CHRNB3: variants seen among roughly 807,000 people sequenced by gnomAD.
The protein encoded by CHRNB3 is cholinergic receptor nicotinic beta 3 subunit, also known as neuronal acetylcholine receptor subunit beta-3.
CHRNB3 carries 37 observed loss-of-function variants against 40.6 expected under a neutral mutation model. The ratio of observed to expected loss-of-function variants is 0.91; its 90% CI spans 0.70 to 1.20. The LOEUF is 1.20. CHRNB3 is among the 50% of genes most tolerant of loss of function. CHRNB3 has a pLI of 0.00. For synonymous variants in CHRNB3, 207 were observed against 207.1 expected, an observed-to-expected ratio of 1.00 and a Z score of 0.00; for missense variants, 505 against 551.2, an observed-to-expected ratio of 0.92 and a Z score of 0.84.
chr8:42,716,123 C>T (rs1218127889), intron 3 of CHRNB3, among the ~76,000 whole-genome samples: 2 of 151,862 alleles, frequency 1.3e-5, no homozygotes, highest in East Asian at 3.9e-4. Flanking sequence ...TTAAAGGCGC[C>T]GGCCACCATG....
intron 5 of CHRNB3, among the ~76,000 whole-genome samples, chr8:42,733,301 A>C (rs1816461155): frequency 6.6e-6 from 1 of 152,068 alleles, no homozygotes. Flanking sequence ...TCTCAGAAAA[A>C]AGAAAAAGAA....
At chr8:42,723,551 G>A (rs2128907600) in intron 3 of CHRNB3, among the ~76,000 whole-genome samples, 1 of 152,256 alleles carries the variant, frequency 6.6e-6, no homozygotes, top group South Asian at 2.1e-4. Context: ...GGAGGATCTG[G>A]CTTCAGGCAG....
intron 1 of CHRNB3, among the ~76,000 whole-genome samples, chr8:42,701,427 G>A (rs1033552398): frequency 1.3e-5 from 2 of 150,090 alleles, no homozygotes; most frequent in Non-Finnish European, 1.5e-5. Flanking sequence ...TCCTGTAGTC[G>A]CAGCTACTCG....
At chr8:42,698,712 A>T (rs1249914550) in intron 1 of CHRNB3, among the ~76,000 whole-genome samples, 1 of 152,240 alleles carries the variant, frequency 6.6e-6, no homozygotes, top group Non-Finnish European at 1.5e-5. Flanking sequence ...CACAAAAATG[A>T]TAAGAAAATT....
chr8:42,730,457 G>A (rs1258055205), intron 3 of CHRNB3, 137 bp from the exon 4 acceptor site: 2 of 545,406 alleles, frequency 3.7e-6, no homozygotes, highest in Non-Finnish European at 6.4e-6. Flanking sequence ...TCCCCAGTAG[G>A]GTCACGCAGT....
intron 2 of CHRNB3, among the ~76,000 whole-genome samples, chr8:42,709,217 C>T (rs1050170706): frequency 6.6e-6 from 1 of 152,128 alleles, no homozygotes; most frequent in African/African-American, 2.4e-5. Flanking sequence ...CTGTGATCTT[C>T]GATCCTCCCT....
chr8:42,698,254 A>G (rs551373445), intron 1 of CHRNB3, among the ~76,000 whole-genome samples: 2 of 152,312 alleles, frequency 1.3e-5, no homozygotes, highest in South Asian at 4.1e-4. Context: ...GGAATAAAGT[A>G]CTGAAAGGCT....
intron 3 of CHRNB3, chr8:42,725,881 C>G: frequency 1.2e-6 from 1 of 826,212 alleles, no homozygotes; most frequent in South Asian, 1.3e-5. Context: ...AAAGACACCA[C>G]TAAAAATTTT....
At chr8:42,698,834 T>C (rs1815725380) in intron 1 of CHRNB3, among the ~76,000 whole-genome samples, 1 of 152,258 alleles carries the variant, frequency 6.6e-6, no homozygotes, top group African/African-American at 2.4e-5. Context: ...AAGGAATGAT[T>C]TCTCTCAATG....
At chr8:42,708,598 C>T in intron 1 of CHRNB3, 119 bp from the exon 2 acceptor site, 1 of 1,117,446 alleles carries the variant, frequency 8.9e-7, no homozygotes, top group Non-Finnish European at 1.3e-6. Context: ...AGGAACTGGG[C>T]TGTTTAGAAA....
At chr8:42,730,050 G>A (rs749806808) in intron 3 of CHRNB3, among the ~76,000 whole-genome samples, 1 of 152,154 alleles carries the variant, frequency 6.6e-6, no homozygotes, top group Non-Finnish European at 1.5e-5. Flanking sequence ...AAACTTAAAA[G>A]AAAATGCTGG....
chr8:42,699,337 C>T (rs951123673), intron 1 of CHRNB3: 1 of 152,084 alleles, frequency 6.6e-6, no homozygotes, highest in South Asian at 2.1e-4. Context: ...ATCTCTCTTA[C>T]AACATGATGA....
At chr8:42,713,304 G>A (rs545409393) in intron 3 of CHRNB3, among the ~76,000 whole-genome samples, 1 of 152,196 alleles carries the variant, frequency 6.6e-6, no homozygotes, top group African/African-American at 2.4e-5. Flanking sequence ...CGAGGACCCT[G>A]AGGGCCTCAG....
At chr8:42,698,805 T>G (rs1463743491) in intron 1 of CHRNB3, among the ~76,000 whole-genome samples, 1 of 152,220 alleles carries the variant, frequency 6.6e-6, no homozygotes, top group Non-Finnish European at 1.5e-5. Context: ...AGACAATTGA[T>G]TCTTACCACT....
At chr8:42,736,407 C>A in intron 5 of CHRNB3, 77 bp from the exon 6 acceptor site, 1 of 1,523,906 alleles carries the variant, frequency 6.6e-7, no homozygotes, top group Non-Finnish European at 8.9e-7. Context: ...GAATGTTACT[C>A]TTTTTTAATC....
chr8:42,698,325 T>C (rs1815714094), intron 1 of CHRNB3, among the ~76,000 whole-genome samples: 1 of 152,224 alleles, frequency 6.6e-6, no homozygotes, highest in Non-Finnish European at 1.5e-5. Flanking sequence ...TCACTTTTTG[T>C]GTAACTTGAG....
At position 42,729,073 on chromosome 8, in the gene CHRNB3, G is replaced by A. The variant is rs140321668; in HGVS notation, c.250-1521G>A. On this transcript the variant is annotated intron_variant, in intron 3 of 5. Coordinates refer to ENST00000289957, the MANE Select transcript of CHRNB3 (RefSeq NM_000749.5). Reference sequence around the variant, plus strand: ...AACATGGTGAATACTTTATTATTGGGCTCTTAAATTGTCAGTTTCATATGC... The same window carrying A: ...AACATGGTGAATACTTTATTATTGGACTCTTAAATTGTCAGTTTCATATGC... 2.5e-3 allele frequency among the ~76,000 whole-genome samples: 379 copies of A among 152,160 alleles called. 1 individual carries two copies. The highest frequency in any genetic ancestry group is 8.8e-3 in the African/African-American group (366 of 41,496).
intron 5 of CHRNB3, among the ~76,000 whole-genome samples, chr8:42,735,089 C>A (rs1031407094): frequency 6.6e-6 from 1 of 151,306 alleles, no homozygotes; most frequent in Non-Finnish European, 1.5e-5. Flanking sequence ...GCGTGGTGGC[C>A]GGCGCCTGTA....
chr8:42,737,135 G>C lies in CHRNB3; in HGVS notation c.*517G>C, dbSNP rs974212199. On this transcript the variant is annotated 3_prime_UTR_variant, in exon 6 of 6. Coordinates refer to ENST00000289957, the MANE Select transcript of CHRNB3 (RefSeq NM_000749.5). ...CAATGGGCCAGGCAAATCTCAACAA[G>C]GGTTTGGGGATTACACTGGCAGGAT... 9 of 155,760 alleles carry C rather than the reference G, an allele frequency of 5.8e-5. No individual in the cohort carries two copies. The highest frequency in any genetic ancestry group is 3.1e-4 in the Admixed American group (5 of 15,914). The allele number at this position is 155,760 out of a possible 1,614,324, so 9.6% of individuals were successfully genotyped here.
Sources: gnomAD v4.1 joint callset for allele counts (sites outside exome capture counted in the v4.1 genomes callset) on GRCh38, gnomAD v4.1.1 for gene constraint, MANE v1.5 for transcripts, NCBI Gene and HGNC (gene_info 2026-07-23, HGNC 2026-07-21) for gene names.